The following TMEM268 variants were observed in gnomAD, a reference collection of about 807,000 sequenced individuals.
TMEM268 encodes the protein transmembrane protein 268.
In TMEM268, 24 loss-of-function variants were observed where a neutral mutation model predicts 39.1. That is an observed-to-expected ratio of 0.61 (90% CI 0.44 to 0.86). The LOEUF is 0.86. Among genes scored for constraint, TMEM268 ranks in the 40% least tolerant of loss-of-function variants. TMEM268 has a pLI of 0.00. For missense variants in TMEM268, 409 were observed against 428.6 expected (o/e 0.95, Z 0.40); for synonymous variants, 176 against 173.5 (o/e 1.01, Z -0.12).
At chr9:114,642,273 A>G (rs2133725349) in intron 8 of TMEM268, among the ~76,000 whole-genome samples, 1 of 152,292 alleles carries the variant, frequency 6.6e-6, no homozygotes, top group East Asian at 1.9e-4. Flanking sequence ...GGTGCCTCCT[A>G]TTAGTGGAAT....
At chr9:114,633,488 TA>T (rs1324555233) in intron 5 of TMEM268, among the ~76,000 whole-genome samples, 1 of 152,072 alleles carries the variant, frequency 6.6e-6, no homozygotes, top group African/African-American at 2.4e-5. Flanking sequence ...AACAATTTTT[TA>T]TAGAGACGGC....
intron 8 of TMEM268, among the ~76,000 whole-genome samples, chr9:114,640,710 G>T (rs1335398122): frequency 1.3e-5 from 2 of 152,168 alleles, no homozygotes. Flanking sequence ...TAAACTATTT[G>T]AAGTGTTTTA....
intron 5 of TMEM268, among the ~76,000 whole-genome samples, chr9:114,629,826 C>G (rs118135810): frequency 2.6e-5 from 4 of 152,144 alleles, no homozygotes; most frequent in Admixed American, 1.3e-4. Context: ...ACGAGACAAA[C>G]GGGAACTATA....
intron 1 of TMEM268, 61 bp downstream of exon 1, chr9:114,611,625 G>C (rs1298024559): frequency 6.6e-6 from 1 of 152,572 alleles, no homozygotes; most frequent in African/African-American, 2.4e-5. Flanking sequence ...GGTGCTGTGG[G>C]GCTCCGGGGC....
At chr9:114,609,727 A>AAAAGAG (rs1845419800), upstream of TMEM268, among the ~76,000 whole-genome samples, 2 of 111,564 alleles carry the variant, frequency 1.8e-5, no homozygotes, top group South Asian at 3.1e-4. Flanking sequence ...AAGAAAAAGA[A>AAAAGAG]AAAGAAGGAA....
chr9:114,637,719 C>T (rs1242093910), intron 7 of TMEM268, among the ~76,000 whole-genome samples: 1 of 152,200 alleles, frequency 6.6e-6, no homozygotes, highest in East Asian at 1.9e-4. Flanking sequence ...AGGGATCTTG[C>T]TCTGCTTCTA....
At position 114,639,792 on chromosome 9, in the gene TMEM268, C is replaced by T. The variant is rs559518298; in HGVS notation, c.849+1066C>T. ...CCCAGCACTTTGGGAGGCTGAGGCG[C>T]GAGGATCATTTGAGTCCAGGAGTTC... On this transcript the variant is annotated intron_variant, in intron 8 of 8. Coordinates refer to ENST00000288502, the MANE Select transcript of TMEM268 (RefSeq NM_153045.4). Among the ~76,000 whole-genome samples the T allele has an allele frequency of 2.1e-3, 317 of 149,862 alleles. 2 individuals carry two copies. Among genetic ancestry groups the T allele is most frequent in the African/African-American group, 7.2e-3 (295 of 41,112 alleles).
chr9:114,633,452 G>A (rs1032385944), intron 5 of TMEM268, among the ~76,000 whole-genome samples: 1 of 152,060 alleles, frequency 6.6e-6, no homozygotes, highest in Admixed American at 6.6e-5. Context: ...GAACCACCGC[G>A]CCTGGCCCCA....
chr9:114,611,533 T>TGGCGGCGGCGGCGGCGGCGGC lies in TMEM268; in HGVS notation c.-105_-85dup, dbSNP rs3035396. On this transcript the variant is annotated 5_prime_UTR_variant, in exon 1 of 9. Transcript: ENST00000288502. The stretch of plus-strand genomic sequence containing the variant: ...GCCCCCGACCTTCCGCGTCCCGGGG[T>TGGCGGCGGCGGCGGCGGCGGC]GGCGGCGGCGGCGGCGGCGGCGGCG... 4 of 162,680 alleles carry TGGCGGCGGCGGCGGCGGCGGC rather than the reference T, an allele frequency of 2.5e-5. No homozygotes were observed. The highest frequency in any genetic ancestry group is 1.3e-4 in the Admixed American group (2 of 14,834). 10.1% of individuals were successfully genotyped at this position (162,680 alleles called of 1,614,324 possible).
chr9:114,639,830 C>T (rs1846813121), intron 8 of TMEM268, among the ~76,000 whole-genome samples: 1 of 150,026 alleles, frequency 6.7e-6, no homozygotes, highest in African/African-American at 2.4e-5. Flanking sequence ...GTTGATCCTT[C>T]CGCCTCAGCC....
At chr9:114,623,648 C>T (rs1220199646) in intron 2 of TMEM268, among the ~76,000 whole-genome samples, 1 of 152,196 alleles carries the variant, frequency 6.6e-6, no homozygotes, top group Non-Finnish European at 1.5e-5. Context: ...GATGCCACAT[C>T]CCTCCTTGCC....
In TMEM268 at chr9:114,617,060, G is replaced by A; in HGVS notation, c.-78-58G>A. On this transcript the variant is annotated intron_variant, in intron 1 of 8. Transcript: ENST00000288502. Reference sequence around the variant, plus strand: ...ACTTTGGCCCTGGAGACAGCCCCTAGGAACCCCGGCTTGCCCAGGCTCAGG... The same window carrying A: ...ACTTTGGCCCTGGAGACAGCCCCTAAGAACCCCGGCTTGCCCAGGCTCAGG... The A allele has an allele frequency of 1.0e-5, 6 of 590,962 alleles. No homozygotes were observed. The South Asian group carries it at 1.4e-4, about 13-fold the overall frequency. 36.6% of individuals were successfully genotyped at this position (590,962 alleles called of 1,614,324 possible). A position where few individuals can be genotyped will look rare whatever the true frequency, so the allele number is the denominator to read the frequency against.
At chr9:114,620,914 C>T (rs535468262) in intron 2 of TMEM268, among the ~76,000 whole-genome samples, 1 of 127,516 alleles carries the variant, frequency 7.8e-6, no homozygotes, top group Non-Finnish European at 1.7e-5. Context: ...CCTCCTTGTC[C>T]CCCACCACTT....
chr9:114,643,079 T>C (rs1827424285), intron 8 of TMEM268, 55 bp from the exon 9 acceptor site: 2 of 1,574,054 alleles, frequency 1.3e-6, no homozygotes, highest in Non-Finnish European at 1.7e-6. Flanking sequence ...GCCTAAGCCC[T>C]TTTTCCTCAA....
chr9:114,625,233 T>C (rs1846107484), intron 3 of TMEM268, among the ~76,000 whole-genome samples: 1 of 152,166 alleles, frequency 6.6e-6, no homozygotes, highest in Non-Finnish European at 1.5e-5. Context: ...ACCCTGGCAT[T>C]GTCTCTAGTA....
intron 8 of TMEM268, among the ~76,000 whole-genome samples, chr9:114,642,518 A>G (rs959647003): frequency 1.3e-5 from 2 of 152,150 alleles, no homozygotes; most frequent in African/African-American, 2.4e-5. Context: ...TTTAACTAGT[A>G]ATTTTCTTCA....
At chr9:114,633,114 C>A (rs1031724586) in intron 5 of TMEM268, among the ~76,000 whole-genome samples, 1 of 151,976 alleles carries the variant, frequency 6.6e-6, no homozygotes, top group Admixed American at 6.6e-5. Flanking sequence ...TCTCGCCTCA[C>A]CCTCCCAAGT....
At chr9:114,617,061 G>A in intron 1 of TMEM268, 57 bp from the exon 2 acceptor site, 1 of 592,690 alleles carries the variant, frequency 1.7e-6, no homozygotes, top group Non-Finnish European at 3.0e-6. Flanking sequence ...CAGCCCCTAG[G>A]AACCCCGGCT....
At chr9:114,614,714 G>A (rs1845633510) in intron 1 of TMEM268, among the ~76,000 whole-genome samples, 1 of 152,186 alleles carries the variant, frequency 6.6e-6, no homozygotes, top group Non-Finnish European at 1.5e-5. Context: ...AAGATGGTTA[G>A]TTAGCAGGGC....
Sources: allele counts gnomAD v4.1 joint callset (sites outside exome capture counted in the v4.1 genomes callset), GRCh38; gene constraint gnomAD v4.1.1; transcripts MANE v1.5; gene names NCBI Gene and HGNC (gene_info 2026-07-23, HGNC 2026-07-21).